The following ARL15 variants were observed in gnomAD, a reference collection of about 807,000 sequenced individuals.
ARL15 encodes ADP-ribosylation factor-like protein 15.
ARL15 carries 19 observed loss-of-function variants against 25.2 expected under a neutral mutation model. The ratio of observed to expected loss-of-function variants is 0.75; its 90% CI spans 0.53 to 1.10. The LOEUF (loss-of-function observed/expected upper bound fraction) is 1.10. Ranked by LOEUF, ARL15 falls within the 50% of genes least tolerant of loss-of-function variation. ARL15 has a pLI of 0.00. For synonymous variants in ARL15, 94 were observed against 86.8 expected (o/e 1.08, Z -0.46); for missense variants, 220 against 246.0 (o/e 0.89, Z 0.71).
chr5:54,247,752 G>A (rs745343122), intron 1 of ARL15, among the ~76,000 whole-genome samples: 1 of 152,102 alleles, frequency 6.6e-6, no homozygotes, highest in Non-Finnish European at 1.5e-5. Context: ...TATTTTTGAT[G>A]TGTATAGAAC....
At chr5:54,053,603 T>C (rs917513239) in intron 4 of ARL15, among the ~76,000 whole-genome samples, 4 of 152,228 alleles carry the variant, frequency 2.6e-5, no homozygotes, top group African/African-American at 9.7e-5. Flanking sequence ...ATAAGTCACA[T>C]TGACAGTGTT....
intron 1 of ARL15, among the ~76,000 whole-genome samples, chr5:54,213,204 T>C (rs1756092597): frequency 6.6e-6 from 1 of 152,196 alleles, no homozygotes; most frequent in Admixed American, 6.5e-5. Context: ...CCCTTCCAAT[T>C]TCTAAGAAAA....
intron 1 of ARL15, among the ~76,000 whole-genome samples, chr5:54,288,359 C>T (rs947487880): frequency 6.6e-6 from 1 of 152,216 alleles, no homozygotes; most frequent in African/African-American, 2.4e-5. Context: ...ATCTGGAATG[C>T]AGAAGTGATG....
intron 4 of ARL15, among the ~76,000 whole-genome samples, chr5:53,914,546 G>A (rs375349097): frequency 1.3e-4 from 20 of 152,056 alleles, no homozygotes; most frequent in South Asian, 8.3e-4. Flanking sequence ...ATAAATATTC[G>A]TCCATTCATT....
At chr5:54,137,246 G>A (rs1753632140) in intron 3 of ARL15, among the ~76,000 whole-genome samples, 1 of 152,080 alleles carries the variant, frequency 6.6e-6, no homozygotes, top group African/African-American at 2.4e-5. Flanking sequence ...TGGGCCAAAT[G>A]ATGCACATGG....
chr5:54,224,660 G>A (rs1261156343), intron 1 of ARL15, among the ~76,000 whole-genome samples: 2 of 152,180 alleles, frequency 1.3e-5, no homozygotes, highest in African/African-American at 4.8e-5. Context: ...AAAAATGATA[G>A]TTGTCACCAC....
At chr5:54,139,444 A>C (rs1405114379) in intron 3 of ARL15, among the ~76,000 whole-genome samples, 2 of 152,234 alleles carry the variant, frequency 1.3e-5, no homozygotes, top group African/African-American at 4.8e-5. Context: ...GTTCTTAGTT[A>C]TAAGTGGGAA....
intron 4 of ARL15, among the ~76,000 whole-genome samples, chr5:53,898,271 C>T (rs1274676387): frequency 6.6e-6 from 1 of 150,434 alleles, no homozygotes; most frequent in Non-Finnish European, 1.5e-5. Flanking sequence ...GAATATTGGT[C>T]TTTAACTTTT....
intron 4 of ARL15, among the ~76,000 whole-genome samples, chr5:54,047,620 TA>T (rs1750563475): frequency 6.6e-6 from 1 of 152,116 alleles, no homozygotes; most frequent in Non-Finnish European, 1.5e-5. Flanking sequence ...AGTTGCAGAC[TA>T]AAAGAATATA....
At chr5:53,962,622 A>G (rs1747408952) in intron 4 of ARL15, among the ~76,000 whole-genome samples, 1 of 152,188 alleles carries the variant, frequency 6.6e-6, no homozygotes, top group Admixed American at 6.5e-5. Flanking sequence ...TCAGAAATAT[A>G]TAGTAAATGT....
chr5:54,101,915 T>C (rs1382372565), intron 4 of ARL15, among the ~76,000 whole-genome samples: 1 of 152,164 alleles, frequency 6.6e-6, no homozygotes, highest in Non-Finnish European at 1.5e-5. Context: ...TCCATATTCA[T>C]GGCTGTCTAT....
At chr5:54,018,530 C>T (rs570983389) in intron 4 of ARL15, among the ~76,000 whole-genome samples, 1 of 152,326 alleles carries the variant, frequency 6.6e-6, no homozygotes, top group Admixed American at 6.5e-5. Flanking sequence ...ATGTGCATCT[C>T]CATGAAGTTT....
At chr5:54,309,938 C>T (rs577545179) in intron 1 of ARL15, among the ~76,000 whole-genome samples, 88 of 152,288 alleles carry the variant, frequency 5.8e-4, no homozygotes, top group Admixed American at 1.8e-3. Flanking sequence ...GCTTTTAAAA[C>T]CCCGCCACGA....
chr5:54,205,789 A>G (rs2112494029), intron 1 of ARL15, among the ~76,000 whole-genome samples: 1 of 152,346 alleles, frequency 6.6e-6, no homozygotes, highest in Non-Finnish European at 1.5e-5. Context: ...CACAGTAAGA[A>G]CAAAGACTGC....
intron 1 of ARL15, among the ~76,000 whole-genome samples, chr5:54,229,094 A>G (rs1357630447): frequency 6.6e-6 from 1 of 152,088 alleles, no homozygotes; most frequent in East Asian, 1.9e-4. Context: ...TGCTTGACTG[A>G]GTCGTCTCAA....
intron 4 of ARL15, among the ~76,000 whole-genome samples, chr5:54,106,358 T>G (rs1014547308): frequency 4.6e-5 from 7 of 152,026 alleles, no homozygotes; most frequent in Non-Finnish European, 1.5e-5. Flanking sequence ...CTGGATAAAG[T>G]TGATGGTATG....
At chr5:54,061,074 C>A in intron 4 of ARL15, among the ~76,000 whole-genome samples, 1 of 152,182 alleles carries the variant, frequency 6.6e-6, no homozygotes, top group East Asian at 1.9e-4. Flanking sequence ...TGTCAGAGGT[C>A]TTCATGATAG....
rs1744454392 is a variant in ARL15 at position 53,884,492 on chromosome 5, C to T, written c.*2069G>A. The T allele has an allele frequency of 6.6e-6, 1 of 151,880 alleles. No individual in the cohort carries two copies. Among genetic ancestry groups the T allele is most frequent in the African/African-American group, 2.4e-5 (1 of 41,304 alleles). 9.4% of individuals were successfully genotyped at this position (151,880 alleles called of 1,614,324 possible). A position where few individuals can be genotyped will look rare whatever the true frequency, so the allele number is the denominator to read the frequency against. On this transcript the variant is annotated 3_prime_UTR_variant, in exon 5 of 5. Transcript: ENST00000504924. ...CGCGCGGAAGCAGCAAGACAGCGAG[C>T]TCCGACCTGCTAGACAAAGAGGGAG...
chr5:54,196,013 C>T (rs1423838527), intron 1 of ARL15, among the ~76,000 whole-genome samples: 2 of 152,076 alleles, frequency 1.3e-5, no homozygotes, highest in African/African-American at 4.8e-5. Flanking sequence ...TATGCTAGGA[C>T]ATATTCATCA....
Sources: gnomAD v4.1 joint callset for allele counts (sites outside exome capture counted in the v4.1 genomes callset) on GRCh38, gnomAD v4.1.1 for gene constraint, MANE v1.5 for transcripts, NCBI Gene and HGNC (gene_info 2026-07-23, HGNC 2026-07-21) for gene names.